MMP26: variants seen among roughly 807,000 people sequenced by gnomAD.
MMP26 encodes the protein matrix metallopeptidase 26, also known as matrix metalloproteinase-26.
Under a neutral mutation model 31.0 loss-of-function variants are expected in MMP26, and 33 were observed. The ratio of observed to expected loss-of-function variants is 1.06; its 90% confidence interval spans 0.81 to 1.42. The LOEUF is 1.42. Ranked by LOEUF, MMP26 falls within the 40% of genes most tolerant of loss-of-function variation. The pLI is 0.00. For synonymous variants in MMP26, 122 were observed against 114.9 expected (o/e 1.06, Z -0.40); for missense variants, 347 against 316.1 (o/e 1.10, Z -0.74).
chr11:4,929,517 A>T (rs905338506), intron 2 of MMP26, among the ~76,000 whole-genome samples: 4 of 152,206 alleles, frequency 2.6e-5, no homozygotes, highest in African/African-American at 9.6e-5. Context: ...AAAAGTGCTT[A>T]TGCACAGCTG....
chr11:4,737,719 T>C (rs1848260472), intron 1 of MMP26, among the ~76,000 whole-genome samples: 2 of 152,032 alleles, frequency 1.3e-5, no homozygotes, highest in Non-Finnish European at 2.9e-5. Context: ...ACTTTGACCC[T>C]AAGTCAGTTT....
intron 2 of MMP26, among the ~76,000 whole-genome samples, chr11:4,955,962 A>G (rs1339089917): frequency 1.3e-5 from 2 of 152,202 alleles, no homozygotes; most frequent in Admixed American, 6.5e-5. Flanking sequence ...ATTTCTGGAC[A>G]TGTTATTTCT....
At chr11:4,778,355 G>A (rs1224302241) in intron 2 of MMP26, among the ~76,000 whole-genome samples, 1 of 151,990 alleles carries the variant, frequency 6.6e-6, no homozygotes, top group Non-Finnish European at 1.5e-5. Context: ...ATTTCCACAT[G>A]GATATCCAAT....
At chr11:4,980,801 T>C (rs187448942) in intron 2 of MMP26, among the ~76,000 whole-genome samples, 1 of 152,220 alleles carries the variant, frequency 6.6e-6, no homozygotes, top group Admixed American at 6.5e-5. Flanking sequence ...GACATTAATA[T>C]CCTCATTTTC....
At chr11:4,824,006 A>C (rs1461798026) in intron 2 of MMP26, among the ~76,000 whole-genome samples, 4 of 152,160 alleles carry the variant, frequency 2.6e-5, no homozygotes, top group African/African-American at 9.7e-5. Flanking sequence ...AGAGTCCTTA[A>C]AGAGTTGGGT....
chr11:4,823,778 C>T (rs1222612310), intron 2 of MMP26, among the ~76,000 whole-genome samples: 2 of 152,108 alleles, frequency 1.3e-5, no homozygotes, highest in African/African-American at 4.8e-5. Flanking sequence ...TTTCCTGTTG[C>T]TAAGTATATT....
intron 2 of MMP26, chr11:4,882,214 T>C: frequency 6.2e-7 from 1 of 1,613,994 alleles, no homozygotes; most frequent in East Asian, 2.2e-5. Context: ...AAATGTTCTT[T>C]GTGCATGCTT....
intron 1 of MMP26, among the ~76,000 whole-genome samples, chr11:4,742,005 C>T (rs1054036018): frequency 8.5e-5 from 13 of 152,088 alleles, no homozygotes; most frequent in African/African-American, 2.9e-4. Context: ...AAAACTAGAG[C>T]CAGCAAGAGG....
At chr11:4,848,403 T>C in intron 2 of MMP26, 1 of 1,613,912 alleles carries the variant, frequency 6.2e-7, no homozygotes, top group Non-Finnish European at 8.5e-7. Flanking sequence ...CTCAGGATGG[T>C]TAATCAGTGC....
intron 2 of MMP26, among the ~76,000 whole-genome samples, chr11:4,835,991 A>G (rs1180703255): frequency 6.6e-6 from 1 of 152,094 alleles, no homozygotes; most frequent in Non-Finnish European, 1.5e-5. Context: ...AAATACATAT[A>G]TAAATATATT....
chr11:4,897,706 C>A (rs1038939690), intron 2 of MMP26, among the ~76,000 whole-genome samples: 1 of 151,154 alleles, frequency 6.6e-6, no homozygotes, highest in African/African-American at 2.4e-5. Flanking sequence ...GAGTACGAAT[C>A]CTTAACTTAT....
At chr11:4,919,937 T>G (rs1248514576) in intron 2 of MMP26, among the ~76,000 whole-genome samples, 2 of 152,120 alleles carry the variant, frequency 1.3e-5, no homozygotes, top group Non-Finnish European at 2.9e-5. Context: ...TTTCCAGACA[T>G]CCAGGAGCTA....
intron 1 of MMP26, among the ~76,000 whole-genome samples, chr11:4,718,061 G>A (rs4562822): frequency 0.13 from 19,241 of 152,174 alleles, 1,613 homozygotes; most frequent in Middle Eastern, 0.21. Context: ...CGAATAGACT[G>A]TATGCTTGTC....
chr11:4,714,921 C>T (rs1847906896), intron 1 of MMP26, among the ~76,000 whole-genome samples: 2 of 65,202 alleles, frequency 3.1e-5, no homozygotes, highest in South Asian at 7.9e-4. Flanking sequence ...CTCTCTCTCT[C>T]ACACACACAC....
chr11:4,826,134 A>G (rs1056783357), intron 2 of MMP26, among the ~76,000 whole-genome samples: 1 of 152,090 alleles, frequency 6.6e-6, no homozygotes, highest in African/African-American at 2.4e-5. Flanking sequence ...GAGGTTTTCC[A>G]TAAATCTGCC....
In MMP26 at chr11:4,928,964, A is replaced by G. The variant is rs190101871; in HGVS notation, c.-144-59104A>G. Among the ~76,000 whole-genome samples the G allele has an allele frequency of 2.8e-3, 428 of 152,248 alleles. 1 individual carries two copies. The highest frequency in any genetic ancestry group is 1.0e-2 in the African/African-American group (415 of 41,566). On this transcript the variant is annotated intron_variant, in intron 2 of 7. Coordinates refer to ENST00000380390, the MANE Select transcript of MMP26 (RefSeq NM_021801.5). ...ATGTAGCTAACTTTTTCCAGGTCCA[A>G]TTGTTGGTGGGCAATGTATTTGACA...
At chr11:4,944,441 T>G (rs1471204087) in intron 2 of MMP26, 4 of 161,046 alleles carry the variant, frequency 2.5e-5, no homozygotes, top group African/African-American at 9.6e-5. Flanking sequence ...TAAAAAGACC[T>G]GGAAGCATAT....
intron 1 of MMP26, among the ~76,000 whole-genome samples, chr11:4,724,327 AG>A (rs1172287934): frequency 6.6e-6 from 1 of 152,116 alleles, no homozygotes; most frequent in African/African-American, 2.4e-5. Flanking sequence ...TGAAAACAGA[AG>A]TGGAAGATGG....
At chr11:4,717,059 TA>T (rs1847943136) in intron 1 of MMP26, among the ~76,000 whole-genome samples, 1 of 152,194 alleles carries the variant, frequency 6.6e-6, no homozygotes. Context: ...TGAATATGCT[TA>T]GAATTTCTTT....
Sources: allele counts gnomAD v4.1 joint callset (sites outside exome capture counted in the v4.1 genomes callset), GRCh38; gene constraint gnomAD v4.1.1; transcripts MANE v1.5; gene names NCBI Gene and HGNC (gene_info 2026-07-23, HGNC 2026-07-21).